Variants in APLF observed in about 807,000 individuals in gnomAD.
APLF encodes the protein aprataxin and PNK-like factor.
Under a neutral mutation model 55.6 loss-of-function variants are expected in APLF, and 61 were observed. That is an observed-to-expected ratio of 1.10 (90% confidence interval 0.89 to 1.36). APLF has a LOEUF of 1.36. APLF is among the 40% of genes most tolerant of loss of function. APLF has a pLI of 0.00. For synonymous variants in APLF, 207 were observed against 214.8 expected, an observed-to-expected ratio of 0.96 and a Z score of 0.32; for missense variants, 611 against 602.5, an observed-to-expected ratio of 1.01 and a Z score of -0.15.
At chr2:68,539,037 T>C (rs1478957943) in intron 7 of APLF, among the ~76,000 whole-genome samples, 1 of 152,192 alleles carries the variant, frequency 6.6e-6, no homozygotes, top group Non-Finnish European at 1.5e-5. Flanking sequence ...CAATAGTATA[T>C]TTTAATATAT....
At chr2:68,513,479 A>C (rs967811924) in intron 4 of APLF, 69 bp from the exon 5 acceptor site, 1 of 1,543,248 alleles carries the variant, frequency 6.5e-7, no homozygotes, top group Admixed American at 1.8e-5. Flanking sequence ...AGTATTCTGC[A>C]AAGCAGATAT....
At chr2:68,468,284 T>A (rs1170739837) in intron 1 of APLF, among the ~76,000 whole-genome samples, 3 of 152,240 alleles carry the variant, frequency 2.0e-5, no homozygotes, top group African/African-American at 7.2e-5. Context: ...ACTGTGATAT[T>A]ACGTCTTCTA....
intron 9 of APLF, among the ~76,000 whole-genome samples, chr2:68,576,079 T>C (rs72903947): frequency 0.076 from 11,577 of 152,184 alleles, 1,271 homozygotes; most frequent in African/African-American, 0.24. Context: ...TTCACCTTTA[T>C]ATCTGTTTTT....
At chr2:68,571,324 T>A (rs1466304507) in intron 9 of APLF, among the ~76,000 whole-genome samples, 1 of 152,200 alleles carries the variant, frequency 6.6e-6, no homozygotes, top group Non-Finnish European at 1.5e-5. Flanking sequence ...CAATTTTGGC[T>A]TTTGTTGCCA....
intron 5 of APLF, among the ~76,000 whole-genome samples, chr2:68,517,930 A>C (rs1260173329): frequency 1.4e-5 from 2 of 144,046 alleles, no homozygotes; most frequent in Non-Finnish European, 3.0e-5. Context: ...AATATGTGTT[A>C]ATATATAACC....
chr2:68,567,224 G>C (rs1671333047), intron 8 of APLF, 117 bp from the exon 9 acceptor site: 1 of 753,694 alleles, frequency 1.3e-6, no homozygotes, highest in Non-Finnish European at 2.2e-6. Context: ...TTTTTCATAA[G>C]AGGCCTATTG....
chr2:68,534,430 A>G (rs1380875719), intron 6 of APLF, among the ~76,000 whole-genome samples: 2 of 152,214 alleles, frequency 1.3e-5, no homozygotes, highest in African/African-American at 4.8e-5. Flanking sequence ...GGAAACAGCA[A>G]TAAATTACTT....
At chr2:68,573,057 T>TA (rs540041618) in intron 9 of APLF, among the ~76,000 whole-genome samples, 10 of 152,278 alleles carry the variant, frequency 6.6e-5, no homozygotes, top group Admixed American at 2.0e-4. Flanking sequence ...TCTGCATATA[T>TA]AAAAAAATCA....
At chr2:68,502,974 G>A (rs973514180) in intron 3 of APLF, 71 bp downstream of exon 3, 10 of 1,496,116 alleles carry the variant, frequency 6.7e-6, no homozygotes, top group Admixed American at 4.1e-5. Context: ...CAAATCCTTC[G>A]GTAGGAACCA....
rs1671671782 is a variant in APLF at position 68,578,231 on chromosome 2, A to G, written c.*209A>G. The G allele has an allele frequency of 4.6e-6, 6 of 1,305,108 alleles. No homozygotes were observed. The East Asian group carries it at 1.6e-4, about 35-fold the overall frequency. The allele number at this position is 1,305,108 out of a possible 1,614,324, so 80.8% of individuals were successfully genotyped here. ...TTTGTTGCCTTGCCTTTTCTTTCCTACTTAAAGCATCTGGAAATAGGAAGA... is the reference window on the plus strand; with the variant it reads ...TTTGTTGCCTTGCCTTTTCTTTCCTGCTTAAAGCATCTGGAAATAGGAAGA... On this transcript the variant is annotated 3_prime_UTR_variant, in exon 10 of 10. Transcript: ENST00000303795.
intron 9 of APLF, among the ~76,000 whole-genome samples, chr2:68,576,454 G>A (rs934638925): frequency 6.6e-6 from 1 of 152,160 alleles, no homozygotes; most frequent in Non-Finnish European, 1.5e-5. Context: ...TGATAATTGG[G>A]CAAGTTATTA....
chr2:68,480,118 G>T (rs1675906820), intron 1 of APLF, among the ~76,000 whole-genome samples: 1 of 152,050 alleles, frequency 6.6e-6, no homozygotes. Flanking sequence ...AGTTTTGGGG[G>T]AGTCAAGGTT....
At chr2:68,544,455 A>G (rs1439402537) in intron 7 of APLF, among the ~76,000 whole-genome samples, 1 of 152,210 alleles carries the variant, frequency 6.6e-6, no homozygotes, top group African/African-American at 2.4e-5. Context: ...AGTAGAGATT[A>G]AATAAATTTC....
intron 8 of APLF, among the ~76,000 whole-genome samples, chr2:68,562,889 AGTGTGTGATTTT>A (rs1671205822): frequency 6.6e-6 from 1 of 151,852 alleles, no homozygotes; most frequent in Non-Finnish European, 1.5e-5. Context: ...TTTGTTTTTG[AGTGTGTGATTTT>A]GTGTGTGATA....
chr2:68,518,723 A>G (rs1289202998), intron 5 of APLF, among the ~76,000 whole-genome samples: 1 of 125,258 alleles, frequency 8.0e-6, no homozygotes, highest in African/African-American at 3.2e-5. Flanking sequence ...ATAATATATC[A>G]TTAATATATC....
At chr2:68,558,796 C>T (rs912079491) in intron 8 of APLF, among the ~76,000 whole-genome samples, 7 of 152,190 alleles carry the variant, frequency 4.6e-5, no homozygotes, top group African/African-American at 9.6e-5. Context: ...CCTCTGCCTA[C>T]GCCCCGACCA....
At chr2:68,567,886 G>A (rs1164154687) in intron 9 of APLF, among the ~76,000 whole-genome samples, 1 of 151,996 alleles carries the variant, frequency 6.6e-6, no homozygotes, top group Non-Finnish European at 1.5e-5. Flanking sequence ...CACCCGTAAG[G>A]AATACAAACA....
At chr2:68,528,455 G>A (rs1296865132) in intron 6 of APLF, 1 of 1,534,124 alleles carries the variant, frequency 6.5e-7, no homozygotes, top group Non-Finnish European at 8.7e-7. Context: ...CAGGGGAGGG[G>A]TTGGTTGCAG....
chr2:68,567,013 T>C (rs1210286584), intron 8 of APLF, among the ~76,000 whole-genome samples: 1 of 152,092 alleles, frequency 6.6e-6, no homozygotes, highest in Non-Finnish European at 1.5e-5. Flanking sequence ...TGGATTCTAT[T>C]TTATATTTGC....
Sources: allele counts gnomAD v4.1 joint callset (sites outside exome capture counted in the v4.1 genomes callset), GRCh38; gene constraint gnomAD v4.1.1; transcripts MANE v1.5; gene names NCBI Gene and HGNC (gene_info 2026-07-23, HGNC 2026-07-21).